Variants in MYO10 observed in about 807,000 individuals in gnomAD.
MYO10 encodes myosin X.
MYO10 carries 133 observed loss-of-function variants against 257.3 expected under a neutral mutation model. The observed-to-expected ratio is 0.52, with a 90% confidence interval of 0.45 to 0.60. The LOEUF (loss-of-function observed/expected upper bound fraction) is 0.60. Among genes scored for constraint, MYO10 ranks in the 20% least tolerant of loss-of-function variants. The pLI, the probability that MYO10 is intolerant of heterozygous loss-of-function variation, is 0.00. For synonymous variants in MYO10, 1,104 were observed against 1,028.6 expected (o/e 1.07, Z -1.40); for missense variants, 2,399 against 2,635.7 (o/e 0.91, Z 1.97).
intron 10 of MYO10, among the ~76,000 whole-genome samples, chr5:16,767,320 G>C (rs1023750395): frequency 6.6e-6 from 1 of 151,494 alleles, no homozygotes; most frequent in Admixed American, 6.6e-5. Context: ...ACAGGTGCCC[G>C]CCACCAAGCC....
chr5:16,818,388 G>A (rs1348858918), intron 2 of MYO10, among the ~76,000 whole-genome samples: 90 of 29,626 alleles, frequency 3.0e-3, no homozygotes, highest in Non-Finnish European at 6.3e-3. Context: ...GTGCGTGTGT[G>A]TGTGTGTGTG....
chr5:16,682,130 C>G, intron 30 of MYO10, 117 bp from the exon 31 acceptor site: 1 of 1,195,576 alleles, frequency 8.4e-7, no homozygotes, highest in East Asian at 2.4e-5. Context: ...ATATACACTG[C>G]TAGGCTATCT....
chr5:16,850,041 G>A (rs1275323123), intron 2 of MYO10, among the ~76,000 whole-genome samples: 1 of 152,138 alleles, frequency 6.6e-6, no homozygotes, highest in Non-Finnish European at 1.5e-5. Flanking sequence ...GATCCTAATG[G>A]CAACTTTAGA....
At chr5:16,933,215 C>T (rs963611035) in intron 1 of MYO10, among the ~76,000 whole-genome samples, 2 of 152,158 alleles carry the variant, frequency 1.3e-5, no homozygotes, top group African/African-American at 4.8e-5. Context: ...GCAGACCTTT[C>T]GGGTTGTCAC....
intron 2 of MYO10, among the ~76,000 whole-genome samples, chr5:16,859,136 C>A (rs565274168): frequency 6.6e-6 from 1 of 152,276 alleles, no homozygotes; most frequent in East Asian, 1.9e-4. Context: ...GTGGAACAAG[C>A]TGGCTTTAGT....
intron 2 of MYO10, among the ~76,000 whole-genome samples, chr5:16,859,666 A>C (rs1744056142): frequency 6.6e-6 from 1 of 152,094 alleles, no homozygotes; most frequent in Non-Finnish European, 1.5e-5. Flanking sequence ...AGGATCACTG[A>C]AACCCAGGAA....
rs76757836 is a variant in MYO10, at chr5:16,900,206, G to A, written c.22-22499C>T. On this transcript the variant is annotated intron_variant, in intron 1 of 40. Transcript: ENST00000513610. Reference sequence around the variant, plus strand: ...CGGTTCCTTATTTAAGTTATTGGTCGTTCAGAGTTAAGACAAATAAAACTA... The same window carrying A: ...CGGTTCCTTATTTAAGTTATTGGTCATTCAGAGTTAAGACAAATAAAACTA... Among the ~76,000 whole-genome samples the A allele has an allele frequency of 1.1e-3, 166 of 152,174 alleles. No homozygotes were observed. In the East Asian group the frequency reaches 0.027, roughly 25 times the overall value.
intron 19 of MYO10, among the ~76,000 whole-genome samples, chr5:16,717,547 T>C (rs1738925050): frequency 6.6e-6 from 1 of 152,208 alleles, no homozygotes; most frequent in Non-Finnish European, 1.5e-5. Context: ...TGCTACATTG[T>C]GAGTTCAGCC....
chr5:16,677,568 A>C (rs1736794457), intron 33 of MYO10, among the ~76,000 whole-genome samples: 1 of 151,058 alleles, frequency 6.6e-6, no homozygotes. Flanking sequence ...GGCGCCTGCC[A>C]CCACACCCAG....
rs1419764853 is a variant in MYO10 at position 16,700,947 on chromosome 5, C to T, written c.3432+16G>A. 1 of 1,532,686 alleles carries T rather than the reference C, an allele frequency of 6.5e-7. No individual in the cohort carries two copies. 94.9% of individuals were successfully genotyped at this position (1,532,686 alleles called of 1,614,324 possible). The stretch of plus-strand genomic sequence containing the variant: ...CGGCCACCCATTTCACTGGGACACG[C>T]CAGGCAGGTACTTACCGAGGACTGC... On this transcript the variant is annotated intron_variant, in intron 25 of 40. Transcript: ENST00000513610.
At chr5:16,774,083 C>A (rs1046600287) in intron 9 of MYO10, among the ~76,000 whole-genome samples, 2 of 152,142 alleles carry the variant, frequency 1.3e-5, no homozygotes, top group African/African-American at 4.8e-5. Context: ...CACTTCAAGG[C>A]TTATTATAAT....
chr5:16,826,489 T>C (rs564353512), intron 2 of MYO10, among the ~76,000 whole-genome samples: 1 of 152,300 alleles, frequency 6.6e-6, no homozygotes, highest in East Asian at 1.9e-4. Flanking sequence ...GAGCATTCTA[T>C]GAGGAAAAAG....
At chr5:16,731,131 C>T (rs1410431306) in intron 19 of MYO10, among the ~76,000 whole-genome samples, 1 of 151,242 alleles carries the variant, frequency 6.6e-6, no homozygotes, top group Non-Finnish European at 1.5e-5. Context: ...CTGCAACCTC[C>T]ACCCCCTGGG....
intron 2 of MYO10, among the ~76,000 whole-genome samples, chr5:16,843,464 C>T (rs896712685): frequency 3.2e-5 from 4 of 125,948 alleles, no homozygotes; most frequent in African/African-American, 1.4e-4. Flanking sequence ...CTGAAGCCCA[C>T]AGAGCTTAAA....
rs1328088462 is a variant in MYO10, at chr5:16,663,244, A to G, written c.*3448T>C. The G allele has an allele frequency of 6.6e-6, 1 of 151,928 alleles. No individual in the cohort carries two copies. The highest frequency in any genetic ancestry group is 1.5e-5 in the Non-Finnish European group (1 of 67,978). The allele number at this position is 151,928 out of a possible 1,614,324, so 9.4% of individuals were successfully genotyped here. ...ATTATTTTTGAGAGAATATTCAATAAAACAGTAAAAATAGCTGTTTCTGGG... is the reference window on the plus strand; with the variant it reads ...ATTATTTTTGAGAGAATATTCAATAGAACAGTAAAAATAGCTGTTTCTGGG... On this transcript the variant is annotated 3_prime_UTR_variant, in exon 41 of 41. Coordinates refer to ENST00000513610, the MANE Select transcript of MYO10 (RefSeq NM_012334.3).
rs191688918 is a variant in MYO10 at position 16,858,332 on chromosome 5, G to A, written c.120+19277C>T. ...TGCAGTTTGCTGCCCCTGTTCAGTC[G>A]CACACTGGAGTCGTCACATAAGCTT... On this transcript the variant is annotated intron_variant, in intron 2 of 40. Transcript: ENST00000513610. 8.8e-4 allele frequency among the ~76,000 whole-genome samples: 134 copies of A among 151,750 alleles called. 2 individuals carry two copies. Among genetic ancestry groups the A allele is most frequent in the African/African-American group, 1.5e-4 (6 of 41,314 alleles).
chr5:16,802,830 T>A (rs189316153), intron 3 of MYO10, among the ~76,000 whole-genome samples: 36 of 152,012 alleles, frequency 2.4e-4, no homozygotes, highest in African/African-American at 8.0e-4. Flanking sequence ...ATAAAAAGTT[T>A]TAGAGGTTGG....
At chr5:16,760,546 G>C (rs758452036) in intron 17 of MYO10, among the ~76,000 whole-genome samples, 1 of 151,932 alleles carries the variant, frequency 6.6e-6, no homozygotes, top group Non-Finnish European at 1.5e-5. Context: ...GCAAGTTTCT[G>C]TGTGTTTTCT....
intron 1 of MYO10, among the ~76,000 whole-genome samples, chr5:16,889,992 A>G (rs1055923641): frequency 6.6e-6 from 1 of 151,902 alleles, no homozygotes; most frequent in Non-Finnish European, 1.5e-5. Flanking sequence ...GTTTTCAGAA[A>G]AAATACACAA....
Sources: gnomAD v4.1 joint callset for allele counts (sites outside exome capture counted in the v4.1 genomes callset) on GRCh38, gnomAD v4.1.1 for gene constraint, MANE v1.5 for transcripts, NCBI Gene and HGNC (gene_info 2026-07-23, HGNC 2026-07-21) for gene names.